The following CNKSR3 variants were observed in gnomAD, a reference collection of about 807,000 sequenced individuals.
The protein encoded by CNKSR3 is CNKSR family member 3.
CNKSR3 carries 36 observed loss-of-function variants against 67.7 expected under a neutral mutation model. The ratio of observed to expected loss-of-function variants is 0.53; its 90% confidence interval spans 0.41 to 0.70. The LOEUF (loss-of-function observed/expected upper bound fraction) is 0.70, where lower values mean the gene tolerates loss of function less well. Ranked by LOEUF, CNKSR3 falls within the 30% of genes least tolerant of loss-of-function variation. The pLI is 0.00. For missense variants in CNKSR3, 630 were observed against 695.2 expected (o/e 0.91, Z 1.05); for synonymous variants, 281 against 271.4 (o/e 1.04, Z -0.35).
rs1201450167 is a variant in CNKSR3, at chr6:154,399,984, C to T, written c.*6370G>A. On this transcript the variant is annotated 3_prime_UTR_variant, in exon 13 of 13. Transcript: ENST00000607772. ...CTTTTAATCATTTCTTCACAAACAT[C>T]TGAATGTTTATGCTCCAGGCAAGAG... The T allele has an allele frequency of 6.6e-6, 1 of 152,158 alleles. No homozygotes were observed. The highest frequency in any genetic ancestry group is 2.4e-5 in the African/African-American group (1 of 41,418). The allele number at this position is 152,158 out of a possible 1,614,324, so 9.4% of individuals were successfully genotyped here.
At position 154,466,800 on chromosome 6, in the gene CNKSR3, T is replaced by G. The variant is rs1216804710; in HGVS notation, c.53-16542A>C. ...ACGCCCAGCTAATTTTTTTGTTTTT[T>G]TTTTTTATAGAGACAGGGTCTCGAT... is the stretch of plus-strand genomic sequence containing the variant. On this transcript the variant is annotated intron_variant, in intron 1 of 12. Coordinates refer to ENST00000607772, the MANE Select transcript of CNKSR3 (RefSeq NM_173515.4). Among the ~76,000 whole-genome samples, 7 of 151,080 alleles carry G rather than the reference T, an allele frequency of 4.6e-5. No homozygotes were observed. The East Asian group carries it at 1.4e-3, about 29-fold the overall frequency.
rs566915360 is a variant in CNKSR3, at chr6:154,410,218, G to T, written c.1369+125C>A. The T allele has an allele frequency of 2.8e-5, 17 of 601,386 alleles. No homozygotes were observed. In the South Asian group the frequency reaches 4.1e-4, roughly 14 times the overall value. 37.3% of individuals were successfully genotyped at this position (601,386 alleles called of 1,614,324 possible). On this transcript the variant is annotated intron_variant, in intron 12 of 12. Coordinates refer to ENST00000607772, the MANE Select transcript of CNKSR3 (RefSeq NM_173515.4). Reference sequence around the variant, plus strand: ...GTCCTAATTTTACAGATGAGAAAACGGGACTCAGAAAGGCCAAGTACTCAG... The same window carrying T: ...GTCCTAATTTTACAGATGAGAAAACTGGACTCAGAAAGGCCAAGTACTCAG...
Position 154,398,269 on chromosome 6 carries a change from A to C in CNKSR3, c.*8085T>G, listed in dbSNP as rs1249052253. ...CAGGATGACGGCATCAGTGTTAGCC[A>C]AGTGTCTGAGTGGTCTGGGTGTCAC... On this transcript the variant is annotated 3_prime_UTR_variant, in exon 13 of 13. Coordinates refer to ENST00000607772, the MANE Select transcript of CNKSR3 (RefSeq NM_173515.4). The C allele has an allele frequency of 6.6e-6, 1 of 152,262 alleles. No individual in the cohort carries two copies. The highest frequency in any genetic ancestry group is 2.1e-4 in the South Asian group (1 of 4,826). The allele number at this position is 152,262 out of a possible 1,614,324, so 9.4% of individuals were successfully genotyped here.
intron 2 of CNKSR3, among the ~76,000 whole-genome samples, chr6:154,449,030 C>T (rs1424133295): frequency 6.6e-6 from 1 of 152,152 alleles, no homozygotes; most frequent in African/African-American, 2.4e-5. Flanking sequence ...CCACACTAAC[C>T]AATTTATAAA....
In CNKSR3 at chr6:154,442,178, C is replaced by T; in HGVS notation, c.329G>A (p.Gly110Asp). ...SSRRKSPAYD[G>D]NTSRKAPNEF... ...ATTGGGGGCCTTGCGGGAGGTGTTG[C>T]CATCGTAAGCGGGACTTTTCCGTCG... Residue 110 changes from glycine to aspartate, a missense_variant, in exon 3 of 13, where the codon GGC (glycine) becomes GAC (aspartate). By Grantham distance (94) the Gly-to-Asp change is moderately conservative. Coordinates refer to ENST00000607772, the MANE Select transcript of CNKSR3 (RefSeq NM_173515.4). 3.1e-6 allele frequency: 5 copies of T among 1,614,132 alleles called. No homozygotes were observed. Among genetic ancestry groups the T allele is most frequent in the Non-Finnish European group, 4.2e-6 (5 of 1,180,004 alleles).
intron 11 of CNKSR3, 25 bp from the exon 12 acceptor site, chr6:154,410,457 G>A: frequency 1.9e-6 from 3 of 1,558,130 alleles, no homozygotes; most frequent in Non-Finnish European, 2.7e-6. Flanking sequence ...GAAAGAAGGT[G>A]ACAAGTTTGA....
Position 154,442,142 on chromosome 6 carries a change from G to A in CNKSR3, c.365C>T (p.Thr122Ile), listed in dbSNP as rs781430935. The change falls in exon 3 of 13, where the codon ACC (threonine) becomes ATC (isoleucine). Residue 122 changes from threonine to isoleucine, a missense_variant. Thr to Ile is a moderately conservative substitution (Grantham distance 89, BLOSUM62 -1). Transcript: ENST00000607772. ...TSRKAPNEFL[T>I]SVVELIGAAK... ...GGCGCCGATGAGCTCCACCACCGAGGTCAGGAACTCATTGGGGGCCTTGCG... is the reference window on the plus strand; with the variant it reads ...GGCGCCGATGAGCTCCACCACCGAGATCAGGAACTCATTGGGGGCCTTGCG... 1.9e-6 allele frequency: 3 copies of A among 1,614,134 alleles called. No homozygotes were observed. The highest frequency in any genetic ancestry group is 2.5e-6 in the Non-Finnish European group (3 of 1,179,962).
chr6:154,437,515 G>C (rs1033117730), intron 4 of CNKSR3, among the ~76,000 whole-genome samples: 18 of 146,238 alleles, frequency 1.2e-4, no homozygotes, highest in African/African-American at 3.5e-4. Context: ...CCAGGTTCAA[G>C]TGATTCTCCT....
intron 4 of CNKSR3, among the ~76,000 whole-genome samples, chr6:154,436,671 A>G (rs1369595459): frequency 6.6e-6 from 1 of 152,024 alleles, no homozygotes; most frequent in Non-Finnish European, 1.5e-5. Flanking sequence ...ATTTCTTTCC[A>G]GACTGAAACT....
At chr6:154,421,953 T>A (rs1278529224) in intron 9 of CNKSR3, among the ~76,000 whole-genome samples, 1 of 151,968 alleles carries the variant, frequency 6.6e-6, no homozygotes, top group South Asian at 2.1e-4. Flanking sequence ...TAGCCAGTGA[T>A]CATGCAGAGA....
At chr6:154,475,468 T>C (rs954149825) in intron 1 of CNKSR3, among the ~76,000 whole-genome samples, 1 of 152,192 alleles carries the variant, frequency 6.6e-6, no homozygotes, top group African/African-American at 2.4e-5. Flanking sequence ...GCTGCGGCCC[T>C]TGCTGTCCTC....
rs547444591 is a variant in CNKSR3 at position 154,395,360 on chromosome 6, T to G, written c.*10994A>C. 6 of 152,324 alleles carry G rather than the reference T, an allele frequency of 3.9e-5. No homozygotes were observed. In the East Asian group the frequency reaches 7.7e-4, roughly 20 times the overall value. 9.4% of individuals were successfully genotyped at this position (152,324 alleles called of 1,614,324 possible). A position where few individuals can be genotyped will look rare whatever the true frequency, so the allele number is the denominator to read the frequency against. ...CAGTCATCATCATCATCCATTGCTG[T>G]TTACAAAGGAGACTCTGTATTTAAC... On this transcript the variant is annotated 3_prime_UTR_variant, in exon 13 of 13. Transcript: ENST00000607772.
intron 8 of CNKSR3, 101 bp downstream of exon 8, chr6:154,422,814 A>G: frequency 8.4e-7 from 1 of 1,193,960 alleles, no homozygotes; most frequent in Non-Finnish European, 1.2e-6. Flanking sequence ...AATAATGAAA[A>G]ATAGGATATA....
chr6:154,419,744 T>C (rs9384216), intron 9 of CNKSR3, among the ~76,000 whole-genome samples: 16,381 of 152,066 alleles, frequency 0.11, 1,042 homozygotes, highest in East Asian at 0.22. Context: ...AAGGAAAATG[T>C]GGTGTATATA....
At chr6:154,505,477 C>T (rs1486677152) in intron 1 of CNKSR3, among the ~76,000 whole-genome samples, 2 of 148,758 alleles carry the variant, frequency 1.3e-5, no homozygotes, top group African/African-American at 2.5e-5. Context: ...CTCAACTACA[C>T]AATTTTATTA....
chr6:154,502,481 G>A (rs1248185449), intron 1 of CNKSR3, among the ~76,000 whole-genome samples: 1 of 140,556 alleles, frequency 7.1e-6, no homozygotes, highest in African/African-American at 3.1e-5. Flanking sequence ...ACAGGCGTGA[G>A]CCACCACACC....
chr6:154,414,421 G>C lies in CNKSR3; in HGVS notation c.948C>G (p.Thr316=), dbSNP rs1251233679. The change falls in exon 10 of 13, where the codon ACC becomes ACG. Residue 316 remains threonine, a splice_region_variant and synonymous_variant. Transcript: ENST00000607772. ...NLRWKPPLVQ[T]SPPPATTQSP... is the part of the protein sequence containing the mutation. ...ACTGGGTTGTCGCGGGTGGAGGTGA[G>C]GTCTGAAACAGGAGTAACACAGCAA... 1 of 1,586,376 alleles carries C rather than the reference G, an allele frequency of 6.3e-7. No individual in the cohort carries two copies. Among genetic ancestry groups the C allele is most frequent in the South Asian group, 1.2e-5 (1 of 85,414 alleles).
At chr6:154,481,332 T>C (rs6929946) in intron 1 of CNKSR3, among the ~76,000 whole-genome samples, 53,535 of 149,632 alleles carry the variant, frequency 0.36, 9,377 homozygotes, top group East Asian at 0.53. Flanking sequence ...GATATTTATT[T>C]TATTTGATAG....
rs1327722453 is a variant in CNKSR3 at position 154,393,178 on chromosome 6, T to A, written c.*13176A>T. On this transcript the variant is annotated 3_prime_UTR_variant, in exon 13 of 13. Coordinates refer to ENST00000607772, the MANE Select transcript of CNKSR3 (RefSeq NM_173515.4). The stretch of plus-strand genomic sequence containing the variant: ...ATCCACCTGCCTTGGCCTCCCAAAG[T>A]GCTGGGATTGTAGGTGTGAGCCACT... 6.6e-6 allele frequency: 1 copy of A among 152,310 alleles called. No individual in the cohort carries two copies. The highest frequency in any genetic ancestry group is 1.5e-5 in the Non-Finnish European group (1 of 68,120). 9.4% of individuals were successfully genotyped at this position (152,310 alleles called of 1,614,324 possible).
Sources: gnomAD v4.1 joint callset for allele counts (sites outside exome capture counted in the v4.1 genomes callset) on GRCh38, gnomAD v4.1.1 for gene constraint, MANE v1.5 for transcripts, NCBI Gene and HGNC (gene_info 2026-07-23, HGNC 2026-07-21) for gene names.